The following NAALADL2 variants were observed in gnomAD, a reference collection of about 807,000 sequenced individuals.
NAALADL2 encodes inactive N-acetylated-alpha-linked acidic dipeptidase-like protein 2.
In NAALADL2, 76 loss-of-function variants were observed where a neutral mutation model predicts 87.2. That is an observed-to-expected ratio of 0.87 (90% CI 0.72 to 1.05). The LOEUF (loss-of-function observed/expected upper bound fraction) is 1.05, where lower values mean the gene tolerates loss of function less well. NAALADL2 is among the 50% of genes least tolerant of loss of function. The pLI is 0.00. For missense variants in NAALADL2, 1,089 were observed against 945.8 expected (o/e 1.15, Z -1.99); for synonymous variants, 354 against 331.0 (o/e 1.07, Z -0.75).
intron 1 of NAALADL2, among the ~76,000 whole-genome samples, chr3:174,965,116 G>T (rs180875926): frequency 6.6e-6 from 1 of 152,212 alleles, no homozygotes; most frequent in African/African-American, 2.4e-5. Flanking sequence ...AGTGGGTGGG[G>T]CTGCAGTCAC....
intron 10 of NAALADL2, among the ~76,000 whole-genome samples, chr3:175,613,390 T>C (rs1724904335): frequency 6.6e-6 from 1 of 152,200 alleles, no homozygotes; most frequent in Non-Finnish European, 1.5e-5. Flanking sequence ...TGCATAGACT[T>C]AAAATTACTG....
chr3:174,527,700 G>T (rs942368539), intron 1 of NAALADL2, among the ~76,000 whole-genome samples: 2 of 151,964 alleles, frequency 1.3e-5, no homozygotes, highest in Non-Finnish European at 2.9e-5. Flanking sequence ...GTCTAATGGA[G>T]GCAGAAATTT....
intron 3 of NAALADL2, chr3:175,235,932 A>T (rs1745761788): frequency 6.6e-6 from 1 of 152,144 alleles, no homozygotes; most frequent in Non-Finnish European, 1.5e-5. Flanking sequence ...TAAATCAACT[A>T]ATTTATTTAA....
At chr3:175,258,653 G>A (rs1417223804) in intron 4 of NAALADL2, among the ~76,000 whole-genome samples, 2 of 152,144 alleles carry the variant, frequency 1.3e-5, no homozygotes, top group Non-Finnish European at 2.9e-5. Flanking sequence ...ATTTTATGAA[G>A]AGGAATTTTG....
intron 9 of NAALADL2, among the ~76,000 whole-genome samples, chr3:175,548,324 C>T (rs1222223050): frequency 6.6e-6 from 1 of 152,088 alleles, no homozygotes; most frequent in Non-Finnish European, 1.5e-5. Context: ...ACCACATGTT[C>T]TCACTTATAA....
intron 1 of NAALADL2, among the ~76,000 whole-genome samples, chr3:174,525,479 G>A (rs559269077): frequency 6.6e-6 from 1 of 152,230 alleles, no homozygotes; most frequent in South Asian, 2.1e-4. Flanking sequence ...TGTGTGAACC[G>A]AGTGAGAACT....
chr3:174,651,040 A>T (rs1022882034), intron 2 of NAALADL2, among the ~76,000 whole-genome samples: 1 of 152,120 alleles, frequency 6.6e-6, no homozygotes, highest in African/African-American at 2.4e-5. Flanking sequence ...CAGGAAAAAA[A>T]TGATACCCTT....
chr3:175,664,764 T>C (rs1261008384), intron 11 of NAALADL2, among the ~76,000 whole-genome samples: 1 of 152,184 alleles, frequency 6.6e-6, no homozygotes, highest in East Asian at 1.9e-4. Flanking sequence ...ATGTTCACTT[T>C]GACTTGTATT....
intron 1 of NAALADL2, among the ~76,000 whole-genome samples, chr3:174,538,290 C>A (rs758771263): frequency 1.3e-5 from 2 of 152,064 alleles, no homozygotes; most frequent in African/African-American, 4.8e-5. Flanking sequence ...CCTAAGTTAA[C>A]CGTAAAAATT....
At chr3:175,791,781 T>C (rs991182762) in intron 13 of NAALADL2, among the ~76,000 whole-genome samples, 7 of 151,834 alleles carry the variant, frequency 4.6e-5, no homozygotes, top group African/African-American at 1.4e-4. Context: ...GTATATTTTT[T>C]CAATAAATTT....
At chr3:175,054,611 C>A (rs1289102767) in intron 1 of NAALADL2, among the ~76,000 whole-genome samples, 1 of 152,184 alleles carries the variant, frequency 6.6e-6, no homozygotes, top group African/African-American at 2.4e-5. Flanking sequence ...CACTTAGCAG[C>A]CATTGTTCTA....
intron 2 of NAALADL2, among the ~76,000 whole-genome samples, chr3:174,688,359 T>C (rs1728236355): frequency 6.6e-6 from 1 of 151,896 alleles, no homozygotes; most frequent in South Asian, 2.1e-4. Flanking sequence ...TTAGCTATTA[T>C]TATTAGAATT....
At chr3:175,224,239 T>C (rs1743832653) in intron 2 of NAALADL2, among the ~76,000 whole-genome samples, 2 of 152,202 alleles carry the variant, frequency 1.3e-5, no homozygotes, top group Non-Finnish European at 2.9e-5. Flanking sequence ...GATGTTCTTA[T>C]GATCAGGCAG....
At chr3:175,422,909 C>A (rs112607800) in intron 5 of NAALADL2, among the ~76,000 whole-genome samples, 1 of 150,702 alleles carries the variant, frequency 6.6e-6, no homozygotes, top group African/African-American at 2.4e-5. Flanking sequence ...AGCTTGGGGC[C>A]AGGCACCAAC....
chr3:175,531,604 A>G (rs768343887), intron 9 of NAALADL2, among the ~76,000 whole-genome samples: 1 of 152,278 alleles, frequency 6.6e-6, no homozygotes, highest in African/African-American at 2.4e-5. Flanking sequence ...CTGCTGAGGT[A>G]GGACAGTAAA....
chr3:175,215,333 T>G (rs1376065916), intron 2 of NAALADL2, among the ~76,000 whole-genome samples: 1 of 152,176 alleles, frequency 6.6e-6, no homozygotes, highest in African/African-American at 2.4e-5. Flanking sequence ...CTTTTTTCTT[T>G]AACAACATCC....
At chr3:174,492,977 G>A (rs1718297351) in intron 1 of NAALADL2, among the ~76,000 whole-genome samples, 1 of 152,134 alleles carries the variant, frequency 6.6e-6, no homozygotes, top group South Asian at 2.1e-4. Flanking sequence ...CAAGGATTGG[G>A]TTTCAAAACC....
intron 2 of NAALADL2, among the ~76,000 whole-genome samples, chr3:175,188,256 C>A (rs931340969): frequency 6.6e-6 from 1 of 152,088 alleles, no homozygotes; most frequent in Non-Finnish European, 1.5e-5. Flanking sequence ...CTATATAGAT[C>A]TTAAAATACA....
At chr3:174,953,511 C>T (rs1367884905) in intron 1 of NAALADL2, among the ~76,000 whole-genome samples, 1 of 151,476 alleles carries the variant, frequency 6.6e-6, no homozygotes, top group South Asian at 2.1e-4. Flanking sequence ...TCATGGTGTC[C>T]CCTTACAGAT....
Sources: allele counts gnomAD v4.1 joint callset (sites outside exome capture counted in the v4.1 genomes callset), GRCh38; gene constraint gnomAD v4.1.1; transcripts MANE v1.5; gene names NCBI Gene and HGNC (gene_info 2026-07-23, HGNC 2026-07-21).